Variants in PDGFC observed in about 807,000 individuals in gnomAD.
PDGFC encodes the protein platelet-derived growth factor C.
Under a neutral mutation model 35.5 loss-of-function variants are expected in PDGFC, and 12 were observed. The observed-to-expected ratio is 0.34, with a 90% CI of 0.22 to 0.55. The LOEUF is 0.55. PDGFC is among the 20% of genes least tolerant of loss of function. The pLI is 0.91. For missense variants in PDGFC, 322 were observed against 412.4 expected (o/e 0.78, Z 1.90); for synonymous variants, 159 against 148.8 (o/e 1.07, Z -0.50).
At chr4:156,876,043 C>T (rs928197188) in intron 1 of PDGFC, among the ~76,000 whole-genome samples, 2 of 151,992 alleles carry the variant, frequency 1.3e-5, no homozygotes, top group East Asian at 1.9e-4. Context: ...CAGCTGCTCC[C>T]GAGGAAGAAA....
chr4:156,772,312 C>A (rs935670541), intron 4 of PDGFC, among the ~76,000 whole-genome samples: 7 of 152,094 alleles, frequency 4.6e-5, no homozygotes, highest in Admixed American at 1.3e-4. Context: ...TATCCCTAAC[C>A]TGGTTTTGCA....
At chr4:156,898,441 A>T (rs146587111) in intron 1 of PDGFC, among the ~76,000 whole-genome samples, 1 of 152,340 alleles carries the variant, frequency 6.6e-6, no homozygotes, top group South Asian at 2.1e-4. Flanking sequence ...CCTATAAGTG[A>T]GAATAAAATA....
intron 1 of PDGFC, among the ~76,000 whole-genome samples, chr4:156,929,896 T>C (rs764992641): frequency 3.9e-5 from 6 of 152,144 alleles, no homozygotes; most frequent in Non-Finnish European, 7.3e-5. Context: ...CTGAGAAGTG[T>C]GCAGCCCTGC....
intron 1 of PDGFC, among the ~76,000 whole-genome samples, chr4:156,861,983 G>T (rs1729723295): frequency 6.6e-6 from 1 of 152,052 alleles, no homozygotes. Context: ...TGCTTGCCAA[G>T]GTTTTGTAGT....
chr4:156,821,656 C>T (rs1049514875), intron 2 of PDGFC, among the ~76,000 whole-genome samples: 6 of 152,094 alleles, frequency 3.9e-5, no homozygotes, highest in Admixed American at 2.6e-4. Flanking sequence ...CAAGCGATTC[C>T]GGTTCCTCAG....
At chr4:156,964,167 A>G (rs1732407464) in intron 1 of PDGFC, among the ~76,000 whole-genome samples, 1 of 151,856 alleles carries the variant, frequency 6.6e-6, no homozygotes, top group Non-Finnish European at 1.5e-5. Flanking sequence ...GTTAAATGAA[A>G]TGTTAAAATT....
chr4:156,789,976 C>CAAAAAA (rs750843965), intron 3 of PDGFC, among the ~76,000 whole-genome samples: 152 of 55,436 alleles, frequency 2.7e-3, no homozygotes, highest in Non-Finnish European at 3.0e-3. Context: ...GTCTCCATCT[C>CAAAAAA]AAAAAAAAAA....
chr4:156,764,312 T>C (rs186330325), intron 5 of PDGFC, among the ~76,000 whole-genome samples: 1 of 152,214 alleles, frequency 6.6e-6, no homozygotes, highest in Non-Finnish European at 1.5e-5. Flanking sequence ...ATATCAGAGG[T>C]TAATTAGCTA....
intron 3 of PDGFC, among the ~76,000 whole-genome samples, chr4:156,809,742 C>T (rs1034780227): frequency 8.9e-4 from 135 of 151,418 alleles, no homozygotes; most frequent in African/African-American, 3.0e-3. Context: ...GATATTTATA[C>T]GTTAGCTTTT....
At chr4:156,776,125 A>G (rs1730820993) in intron 3 of PDGFC, among the ~76,000 whole-genome samples, 1 of 152,200 alleles carries the variant, frequency 6.6e-6, no homozygotes. Flanking sequence ...AAGAAGTTAC[A>G]GAAAAAAAAA....
chr4:156,924,412 T>TG, intron 1 of PDGFC, among the ~76,000 whole-genome samples: 2 of 152,180 alleles, frequency 1.3e-5, no homozygotes, highest in Admixed American at 1.3e-4. Context: ...CAAAATTCAG[T>TG]GGGGAAAAAA....
chr4:156,839,234 A>C (rs1213756315), intron 2 of PDGFC, among the ~76,000 whole-genome samples: 1 of 152,146 alleles, frequency 6.6e-6, no homozygotes, highest in Non-Finnish European at 1.5e-5. Context: ...ATTATGTCAG[A>C]TATGCAAGCC....
chr4:156,772,624 G>A (rs1413696647), intron 4 of PDGFC, 62 bp downstream of exon 4: 1 of 1,033,496 alleles, frequency 9.7e-7, no homozygotes, highest in African/African-American at 1.6e-5. Flanking sequence ...TGTGGCAGAA[G>A]AATCTGAAAC....
chr4:156,889,327 T>G (rs1206972009), intron 1 of PDGFC, among the ~76,000 whole-genome samples: 3 of 152,214 alleles, frequency 2.0e-5, no homozygotes, highest in Non-Finnish European at 2.9e-5. Context: ...ATATCACATT[T>G]TATACTTTCT....
intron 3 of PDGFC, among the ~76,000 whole-genome samples, chr4:156,802,719 C>CA (rs1318906645): frequency 6.6e-6 from 1 of 152,112 alleles, no homozygotes; most frequent in Non-Finnish European, 1.5e-5. Flanking sequence ...TGAGAGGAAT[C>CA]AGAGTGTTTT....
chr4:156,815,533 T>C (rs948851677), intron 2 of PDGFC, among the ~76,000 whole-genome samples: 4 of 152,102 alleles, frequency 2.6e-5, no homozygotes, highest in African/African-American at 9.7e-5. Flanking sequence ...ACAGCAAAGG[T>C]TGGTTGGCTG....
chr4:156,789,909 G>A (rs1170186664), intron 3 of PDGFC, among the ~76,000 whole-genome samples: 3 of 147,636 alleles, frequency 2.0e-5, no homozygotes, highest in Non-Finnish European at 4.5e-5. Flanking sequence ...CCCGGGAGGC[G>A]GAGCTTGCAG....
chr4:156,800,341 C>A (rs971084413), intron 3 of PDGFC, among the ~76,000 whole-genome samples: 44 of 152,004 alleles, frequency 2.9e-4, no homozygotes, highest in African/African-American at 1.0e-3. Flanking sequence ...ACTAATCATA[C>A]TTATCTTTTA....
At chr4:156,887,769 T>C (rs1443319530) in intron 1 of PDGFC, among the ~76,000 whole-genome samples, 1 of 151,880 alleles carries the variant, frequency 6.6e-6, no homozygotes, top group South Asian at 2.1e-4. Flanking sequence ...AACCCCTCAC[T>C]TTGGGAGGCT....
Sources: allele counts gnomAD v4.1 joint callset (sites outside exome capture counted in the v4.1 genomes callset), GRCh38; gene constraint gnomAD v4.1.1; transcripts MANE v1.5; gene names NCBI Gene and HGNC (gene_info 2026-07-23, HGNC 2026-07-21).